Variants in CCDC192 observed in about 807,000 individuals in gnomAD.
CCDC192 encodes coiled-coil domain-containing protein 192.
chr5:127,811,785 T>C (rs921164022), intron 5 of CCDC192, among the ~76,000 whole-genome samples: 20 of 152,136 alleles, frequency 1.3e-4, no homozygotes, highest in African/African-American at 4.6e-4. Context: ...TGATACGTGA[T>C]AGAGTCATTG....
At chr5:127,745,981 T>C (rs1753717717) in intron 2 of CCDC192, among the ~76,000 whole-genome samples, 1 of 152,242 alleles carries the variant, frequency 6.6e-6, no homozygotes, top group Non-Finnish European at 1.5e-5. Context: ...TATCTTTATG[T>C]GTTTACTTAT....
intron 6 of CCDC192, among the ~76,000 whole-genome samples, chr5:127,934,342 A>G (rs780708333): frequency 6.6e-6 from 1 of 152,244 alleles, no homozygotes; most frequent in Non-Finnish European, 1.5e-5. Context: ...TCTTCATTAT[A>G]TTATCAAAAG....
chr5:127,726,564 C>A (rs551927801), intron 2 of CCDC192, among the ~76,000 whole-genome samples: 1 of 152,332 alleles, frequency 6.6e-6, no homozygotes, highest in South Asian at 2.1e-4. Flanking sequence ...CTCCAGTCTG[C>A]CATTTTCTCC....
intron 5 of CCDC192, among the ~76,000 whole-genome samples, chr5:127,871,003 C>T (rs1189440784): frequency 2.0e-5 from 3 of 152,236 alleles, no homozygotes; most frequent in Non-Finnish European, 4.4e-5. Flanking sequence ...TATACAGGCT[C>T]TCTAAGTGAA....
chr5:127,840,531 T>A (rs1394482308), intron 5 of CCDC192, among the ~76,000 whole-genome samples: 1 of 152,192 alleles, frequency 6.6e-6, no homozygotes, highest in Non-Finnish European at 1.5e-5. Context: ...TATAATGGTA[T>A]ACATAAATGT....
chr5:127,886,916 AAT>A (rs1400608875), intron 6 of CCDC192, among the ~76,000 whole-genome samples: 2 of 152,216 alleles, frequency 1.3e-5, no homozygotes, highest in African/African-American at 4.8e-5. Context: ...ATGCTTCAGG[AAT>A]GAAAGAAAAC....
rs187144859 is a variant in CCDC192 at position 127,774,103 on chromosome 5, T to C, written c.222+19728T>C. On this transcript the variant is annotated intron_variant, in intron 3 of 6. Transcript: ENST00000514853. ...CTCAAGTCCTTTGCCCAGTTTTCAATTGGGTGGTTTGTCTTTTTGTTGCCG... is the reference window on the plus strand; with the variant it reads ...CTCAAGTCCTTTGCCCAGTTTTCAACTGGGTGGTTTGTCTTTTTGTTGCCG... Among the ~76,000 whole-genome samples the C allele has an allele frequency of 3.8e-3, 583 of 152,288 alleles. 3 individuals are homozygous for C. The highest frequency in any genetic ancestry group is 0.013 in the African/African-American group (549 of 41,560).
intron 5 of CCDC192, among the ~76,000 whole-genome samples, chr5:127,828,532 G>C (rs1749641136): frequency 6.6e-6 from 1 of 152,220 alleles, no homozygotes; most frequent in African/African-American, 2.4e-5. Flanking sequence ...CAAACAACAT[G>C]AAGATGATTG....
At chr5:127,734,867 T>C (rs1580555071) in intron 2 of CCDC192, among the ~76,000 whole-genome samples, 1 of 151,864 alleles carries the variant, frequency 6.6e-6, no homozygotes, top group East Asian at 1.9e-4. Flanking sequence ...TTTTCTCCCA[T>C]TCTGTAGGTT....
At chr5:127,761,657 G>A (rs1312360910) in intron 3 of CCDC192, among the ~76,000 whole-genome samples, 1 of 152,082 alleles carries the variant, frequency 6.6e-6, no homozygotes, top group Non-Finnish European at 1.5e-5. Context: ...TGGGGCTCAG[G>A]TTTTCTCTTC....
At chr5:127,774,251 C>A (rs114362205) in intron 3 of CCDC192, among the ~76,000 whole-genome samples, 168 of 152,184 alleles carry the variant, frequency 1.1e-3, no homozygotes, top group African/African-American at 3.9e-3. Flanking sequence ...TACACAAGTT[C>A]TCAATTTTGG....
intron 6 of CCDC192, among the ~76,000 whole-genome samples, chr5:127,918,228 A>AAAAAAAAAAAAAAAAAAAAAAAAAAAAT (rs1753586806): frequency 6.6e-6 from 1 of 151,770 alleles, no homozygotes; most frequent in African/African-American, 2.4e-5. Context: ...AAAAAAAAAA[A>AAAAAAAAAAAAAAAAAAAAAAAAAAAAT]AAAAAAAGTA....
At chr5:127,934,974 G>A (rs75694656) in intron 6 of CCDC192, among the ~76,000 whole-genome samples, 2 of 152,286 alleles carry the variant, frequency 1.3e-5, no homozygotes, top group African/African-American at 2.4e-5. Context: ...CAGCAATCCT[G>A]GGTGGCTCTG....
chr5:127,863,571 G>A (rs1036443002), intron 5 of CCDC192, among the ~76,000 whole-genome samples: 1 of 152,136 alleles, frequency 6.6e-6, no homozygotes, highest in South Asian at 2.1e-4. Flanking sequence ...ACAGGTAGTT[G>A]TTGTCTATGG....
chr5:127,752,821 C>T (rs1168561776), intron 2 of CCDC192, among the ~76,000 whole-genome samples: 2 of 152,144 alleles, frequency 1.3e-5, no homozygotes, highest in African/African-American at 2.4e-5. Flanking sequence ...CGTGGTGCGC[C>T]GTTTTTTAAG....
At position 127,850,531 on chromosome 5, in the gene CCDC192, A is replaced by C. The variant is rs10063631; in HGVS notation, c.412-25007A>C. On this transcript the variant is annotated intron_variant, in intron 5 of 6. Transcript: ENST00000514853. ...TCAAGGAAAGCAGAGCCCACCGTAT[A>C]AGCAGGCCAACGTCCCTTGCAGCCT... Among the ~76,000 whole-genome samples the C allele has an allele frequency of 1.1e-3, 171 of 152,316 alleles. 1 individual carries two copies. The highest frequency in any genetic ancestry group is 4.1e-3 in the African/African-American group (170 of 41,572).
At chr5:127,912,634 A>G (rs1328699518) in intron 6 of CCDC192, among the ~76,000 whole-genome samples, 2 of 152,156 alleles carry the variant, frequency 1.3e-5, no homozygotes, top group Non-Finnish European at 2.9e-5. Context: ...CCTTGTGGTG[A>G]TAAGAAGGTG....
At position 127,710,943 on chromosome 5, in the gene CCDC192, C is replaced by A. The variant is rs187596566; in HGVS notation, c.114+3183C>A. ...ATCTCAACCCTATCTATTCTTTGGGCCTGCTGGAGAATTAGAATGTTATTT... is the reference window on the plus strand; with the variant it reads ...ATCTCAACCCTATCTATTCTTTGGGACTGCTGGAGAATTAGAATGTTATTT... On this transcript the variant is annotated intron_variant, in intron 2 of 6. Transcript: ENST00000514853. 1.3e-4 allele frequency among the ~76,000 whole-genome samples: 20 copies of A among 152,240 alleles called. 1 individual carries two copies. In the East Asian group the frequency reaches 3.9e-3, roughly 29 times the overall value.
At chr5:127,867,137 C>T (rs1223000516) in intron 5 of CCDC192, among the ~76,000 whole-genome samples, 3 of 152,186 alleles carry the variant, frequency 2.0e-5, no homozygotes, top group African/African-American at 7.2e-5. Flanking sequence ...TTCCTTACTA[C>T]ACCAAAAACT....
Sources: allele counts gnomAD v4.1 joint callset (sites outside exome capture counted in the v4.1 genomes callset), GRCh38; gene constraint gnomAD v4.1.1; transcripts MANE v1.5; gene names NCBI Gene and HGNC (gene_info 2026-07-23, HGNC 2026-07-21).